GLYATL2: variants seen among roughly 807,000 people sequenced by gnomAD.
GLYATL2 encodes glycine-N-acyltransferase like 2.
A neutral mutation model predicts 21.4 loss-of-function variants in GLYATL2; 25 were observed. The observed-to-expected ratio is 1.17, with a 90% CI of 0.85 to 1.63. GLYATL2 has a LOEUF of 1.63. Ranked by LOEUF, GLYATL2 falls within the 40% of genes most tolerant of loss-of-function variation. The probability of loss-of-function intolerance (pLI) is 0.00; values close to 1 mark genes in which losing one functional copy is unlikely to be tolerated. For synonymous variants in GLYATL2, 114 were observed against 118.2 expected (o/e 0.96, Z 0.23); for missense variants, 361 against 343.3 (o/e 1.05, Z -0.41).
In GLYATL2 at chr11:58,837,348, G is replaced by A; in HGVS notation, c.236C>T (p.Thr79Ile). ...TTCCTCTAATTTGTCAGGAGCTTTG[G>A]TGAAGATGTGGTAAGTGTTGGTATA... ...DHYTNTYHIF[T>I]KAPDKLEEVL... Residue 79 changes from threonine (T) to isoleucine (I), a missense_variant, in exon 4 of 6, where the codon ACC (threonine) becomes ATC (isoleucine). Thr to Ile is a moderately conservative substitution (Grantham distance 89). Coordinates refer to ENST00000287275, the MANE Select transcript of GLYATL2 (RefSeq NM_145016.4). 1.9e-6 allele frequency: 3 copies of A among 1,613,684 alleles called. No individual in the cohort carries two copies. The highest frequency in any genetic ancestry group is 1.7e-6 in the Non-Finnish European group (2 of 1,179,602).
chr11:58,836,700 G>A (rs1319765353), intron 5 of GLYATL2, among the ~76,000 whole-genome samples: 1 of 152,064 alleles, frequency 6.6e-6, no homozygotes, highest in East Asian at 1.9e-4. Context: ...ATATACTTAT[G>A]TATTTTCTAT....
chr11:58,893,240 G>T (rs1854576477), intron 1 of GLYATL2: 1 of 278,100 alleles, frequency 3.6e-6, no homozygotes, highest in South Asian at 1.4e-4. Flanking sequence ...TGTGAAGTAG[G>T]AATGGCCTAC....
At chr11:58,900,903 T>TAATGGATGTC (rs5792140) in intron 1 of GLYATL2, among the ~76,000 whole-genome samples, 116,879 of 151,668 alleles carry the variant, frequency 0.77, 46,427 homozygotes, top group Non-Finnish European at 0.88. Flanking sequence ...CCATTGGCCT[T>TAATGGATGTC]AATCTTCACC....
chr11:58,872,422 A>G (rs1051878553), intron 1 of GLYATL2, among the ~76,000 whole-genome samples: 1 of 152,224 alleles, frequency 6.6e-6, no homozygotes, highest in Non-Finnish European at 1.5e-5. Context: ...TTTTAGGTAT[A>G]ACATGTAAGT....
At chr11:58,852,981 A>G (rs1302427895) in intron 1 of GLYATL2, among the ~76,000 whole-genome samples, 2 of 152,218 alleles carry the variant, frequency 1.3e-5, no homozygotes, top group South Asian at 4.1e-4. Context: ...GTATCTCTAT[A>G]TCATAGCAAT....
chr11:58,863,648 G>A (rs930241407), intron 1 of GLYATL2, among the ~76,000 whole-genome samples: 2 of 152,292 alleles, frequency 1.3e-5, no homozygotes, highest in South Asian at 2.1e-4. Flanking sequence ...ACTGGTGCCT[G>A]TAGCCACAGA....
intron 1 of GLYATL2, among the ~76,000 whole-genome samples, chr11:58,861,468 C>T (rs1284027244): frequency 1.5e-4 from 23 of 150,678 alleles, no homozygotes; most frequent in Non-Finnish European, 2.8e-4. Flanking sequence ...TTCTTTTTTT[C>T]CCCTCGTCTG....
At chr11:58,884,485 C>A (rs943153373) in intron 1 of GLYATL2, among the ~76,000 whole-genome samples, 1 of 152,062 alleles carries the variant, frequency 6.6e-6, no homozygotes, top group Non-Finnish European at 1.5e-5. Flanking sequence ...GAATAAAATA[C>A]CTAGGAATCC....
At chr11:58,848,346 T>C (rs1384392751), upstream of GLYATL2, among the ~76,000 whole-genome samples, 2 of 152,060 alleles carry the variant, frequency 1.3e-5, no homozygotes, top group Non-Finnish European at 2.9e-5. Flanking sequence ...CCTCACCAAA[T>C]CAACTTAATA....
upstream of GLYATL2, among the ~76,000 whole-genome samples, chr11:58,906,359 C>T (rs1026840411): frequency 5.3e-5 from 8 of 152,286 alleles, 1 homozygote; most frequent in Admixed American, 4.6e-4. Flanking sequence ...TGGATCCTTT[C>T]CTTCCCTGGT....
At chr11:58,853,935 A>G (rs1266458132) in intron 1 of GLYATL2, among the ~76,000 whole-genome samples, 2 of 152,126 alleles carry the variant, frequency 1.3e-5, no homozygotes, top group Non-Finnish European at 2.9e-5. Context: ...GAAATTTTGT[A>G]TCCTGTGACC....
At chr11:58,864,003 A>G (rs497348) in intron 1 of GLYATL2, among the ~76,000 whole-genome samples, 135,118 of 152,224 alleles carry the variant, frequency 0.89, 61,110 homozygotes, top group Non-Finnish European at 0.98. Flanking sequence ...CCTAGCTAAG[A>G]GATAAGGCTA....
At chr11:58,904,407 G>A (rs1392652359), upstream of GLYATL2, among the ~76,000 whole-genome samples, 1 of 152,174 alleles carries the variant, frequency 6.6e-6, no homozygotes, top group Non-Finnish European at 1.5e-5. Flanking sequence ...ATGTGCAGAT[G>A]CTCCTCCCTA....
intron 1 of GLYATL2, among the ~76,000 whole-genome samples, chr11:58,875,564 G>C (rs1417019535): frequency 6.6e-6 from 1 of 152,126 alleles, no homozygotes; most frequent in Non-Finnish European, 1.5e-5. Flanking sequence ...AGTTTGGCTG[G>C]ACATGAAATT....
At chr11:58,905,398 G>A (rs1297815319), upstream of GLYATL2, 1 of 447,084 alleles carries the variant, frequency 2.2e-6, no homozygotes, top group Non-Finnish European at 4.5e-6. Flanking sequence ...CCGCCTGGAT[G>A]CACGTCCCGC....
chr11:58,843,975 T>C (rs1358779985), intron 1 of GLYATL2, among the ~76,000 whole-genome samples: 2 of 152,126 alleles, frequency 1.3e-5, no homozygotes, highest in Non-Finnish European at 2.9e-5. Flanking sequence ...GGAGAGAAAT[T>C]TGGCAGAGGG....
chr11:58,837,927 C>G (rs544961856), intron 3 of GLYATL2, among the ~76,000 whole-genome samples: 1 of 152,320 alleles, frequency 6.6e-6, no homozygotes, highest in Admixed American at 6.5e-5. Context: ...TTGACACTTC[C>G]CCTTGGGAGT....
At chr11:58,865,178 G>T (rs1421095569) in intron 1 of GLYATL2, among the ~76,000 whole-genome samples, 1 of 148,300 alleles carries the variant, frequency 6.7e-6, no homozygotes, top group Non-Finnish European at 1.5e-5. Flanking sequence ...ACGCAATAGA[G>T]GAAAACTACT....
chr11:58,855,288 T>G (rs1335370123), intron 1 of GLYATL2, among the ~76,000 whole-genome samples: 1 of 152,192 alleles, frequency 6.6e-6, no homozygotes, highest in Admixed American at 6.5e-5. Context: ...GCAGAATGGA[T>G]GTATGTTAGC....
Sources: allele counts gnomAD v4.1 joint callset (sites outside exome capture counted in the v4.1 genomes callset), GRCh38; gene constraint gnomAD v4.1.1; transcripts MANE v1.5; gene names NCBI Gene and HGNC (gene_info 2026-07-23, HGNC 2026-07-21).